UVRAG: variants seen among roughly 807,000 people sequenced by gnomAD.
UVRAG encodes the protein UV radiation resistance-associated gene protein.
A neutral mutation model predicts 78.0 loss-of-function variants in UVRAG; 19 were observed. The observed-to-expected ratio is 0.24, with a 90% CI of 0.17 to 0.36. The LOEUF (loss-of-function observed/expected upper bound fraction) is 0.36. Among genes scored for constraint, UVRAG ranks in the 10% least tolerant of loss-of-function variants. UVRAG has a pLI of 1.00. For missense variants in UVRAG, 740 were observed against 853.8 expected, an observed-to-expected ratio of 0.87 and a Z score of 1.66; for synonymous variants, 323 against 324.6, an observed-to-expected ratio of 1.00 and a Z score of 0.05.
chr11:75,844,709 G>C (rs1440290756), intron 1 of UVRAG, among the ~76,000 whole-genome samples: 2 of 148,140 alleles, frequency 1.4e-5, no homozygotes, highest in African/African-American at 2.5e-5. Flanking sequence ...GCCTCACTGT[G>C]TTGCCCAGTC....
intron 6 of UVRAG, among the ~76,000 whole-genome samples, chr11:75,942,887 A>G (rs1591045665): frequency 1.3e-5 from 2 of 152,094 alleles, no homozygotes; most frequent in Admixed American, 1.3e-4. Flanking sequence ...TATGAGCCTT[A>G]AAACAGATTT....
At chr11:76,139,178 C>T (rs1952656009) in intron 14 of UVRAG, among the ~76,000 whole-genome samples, 1 of 152,092 alleles carries the variant, frequency 6.6e-6, no homozygotes, top group African/African-American at 2.4e-5. Flanking sequence ...GTGGTTGCCC[C>T]TTCCCAAGAA....
chr11:76,128,317 A>T (rs1362999413), intron 14 of UVRAG, among the ~76,000 whole-genome samples: 1 of 152,048 alleles, frequency 6.6e-6, no homozygotes, highest in Non-Finnish European at 1.5e-5. Context: ...ATGCCTGATG[A>T]TCTGAGATGG....
At chr11:75,988,213 C>CCACACA (rs1442395708) in intron 8 of UVRAG, among the ~76,000 whole-genome samples, 2 of 152,138 alleles carry the variant, frequency 1.3e-5, no homozygotes, top group Admixed American at 6.5e-5. Flanking sequence ...GTAGCTACCA[C>CCACACA]CACAATCAGT....
In UVRAG at chr11:75,921,690, A is replaced by AT. The variant is rs553031192; in HGVS notation, c.593+9661dup. On this transcript the variant is annotated intron_variant, in intron 6 of 14. Coordinates refer to ENST00000356136, the MANE Select transcript of UVRAG (RefSeq NM_003369.4). ...AAATATTTAATACAAATTGCAATTT[A>AT]TTTTTTTTTTCTTTTAATCCACCCA... is the stretch of plus-strand genomic sequence containing the variant. Among the ~76,000 whole-genome samples the AT allele has an allele frequency of 3.5e-3, 512 of 147,490 alleles. 3 individuals carry two copies. Among genetic ancestry groups the AT allele is most frequent in the African/African-American group, 0.012 (469 of 40,230 alleles).
chr11:76,083,376 G>C (rs184548047), intron 13 of UVRAG, among the ~76,000 whole-genome samples: 5 of 152,174 alleles, frequency 3.3e-5, no homozygotes, highest in African/African-American at 1.2e-4. Context: ...TTTTAGGGAT[G>C]TATACTATTA....
intron 12 of UVRAG, among the ~76,000 whole-genome samples, chr11:76,045,141 G>A (rs1196658816): frequency 2.6e-5 from 4 of 152,222 alleles, no homozygotes; most frequent in Non-Finnish European, 5.9e-5. Context: ...ACTCTAGAGA[G>A]GTCGAACTAG....
At chr11:75,893,959 T>G (rs1947281882) in intron 5 of UVRAG, among the ~76,000 whole-genome samples, 2 of 152,134 alleles carry the variant, frequency 1.3e-5, no homozygotes, top group Admixed American at 1.3e-4. Flanking sequence ...TAGTTTTAAA[T>G]GCATAAAGAT....
chr11:75,902,751 A>G lies in UVRAG; in HGVS notation c.508-9203A>G, dbSNP rs533398086. Reference sequence around the variant, plus strand: ...AGTTCTTCTTTGAAGTAGTTCTGGTATCTGTGGCTACTTTTCCCTCTCCAT... The same window carrying G: ...AGTTCTTCTTTGAAGTAGTTCTGGTGTCTGTGGCTACTTTTCCCTCTCCAT... On this transcript the variant is annotated intron_variant, in intron 5 of 14. Transcript: ENST00000356136. Among the ~76,000 whole-genome samples, 6 of 152,158 alleles carry G rather than the reference A, an allele frequency of 3.9e-5. No homozygotes were observed. In the South Asian group the frequency reaches 1.2e-3, roughly 32 times the overall value.
chr11:75,877,237 C>T (rs1946808815), intron 3 of UVRAG, among the ~76,000 whole-genome samples: 1 of 152,174 alleles, frequency 6.6e-6, no homozygotes, highest in African/African-American at 2.4e-5. Context: ...CAAAAGTCTC[C>T]CATGTCTACT....
chr11:76,111,932 G>GA (rs1375990910), intron 13 of UVRAG, among the ~76,000 whole-genome samples: 10 of 127,054 alleles, frequency 7.9e-5, no homozygotes, highest in South Asian at 2.5e-4. Context: ...AAAATAAAGT[G>GA]AAAAAAAAAA....
chr11:75,955,198 C>G (rs1219164618), intron 6 of UVRAG, among the ~76,000 whole-genome samples: 1 of 152,062 alleles, frequency 6.6e-6, no homozygotes, highest in East Asian at 1.9e-4. Context: ...GTAGATTAAA[C>G]ACACAAACAC....
At chr11:75,820,161 A>G (rs1024384921) in intron 1 of UVRAG, among the ~76,000 whole-genome samples, 2 of 151,800 alleles carry the variant, frequency 1.3e-5, no homozygotes, top group African/African-American at 4.8e-5. Context: ...AGTTTTTCAT[A>G]GAGATGGGGT....
rs376005681 is a variant in UVRAG at position 76,088,460 on chromosome 11, A to C, written c.1305+22672A>C. ...CTTCCCCCAAATCCCATCTTCTCCT[A>C]TGCCACCCCCAACCCCCACTTCCGC... On this transcript the variant is annotated intron_variant, in intron 13 of 14. Transcript: ENST00000356136. 1.6e-3 allele frequency among the ~76,000 whole-genome samples: 243 copies of C among 150,794 alleles called. 1 individual carries two copies. The highest frequency in any genetic ancestry group is 5.8e-3 in the African/African-American group (236 of 40,988).
At chr11:75,946,273 G>A (rs1340039632) in intron 6 of UVRAG, among the ~76,000 whole-genome samples, 1 of 152,154 alleles carries the variant, frequency 6.6e-6, no homozygotes, top group East Asian at 1.9e-4. Flanking sequence ...TTAAAGATAC[G>A]TTAACATGAT....
At chr11:75,999,403 GAC>G (rs1949767895) in intron 8 of UVRAG, among the ~76,000 whole-genome samples, 1 of 151,656 alleles carries the variant, frequency 6.6e-6, no homozygotes, top group Non-Finnish European at 1.5e-5. Context: ...TGTTTTTTGA[GAC>G]AGAGTCTCAC....
chr11:75,832,960 T>C (rs759489310), intron 1 of UVRAG, among the ~76,000 whole-genome samples: 4 of 152,186 alleles, frequency 2.6e-5, no homozygotes, highest in Non-Finnish European at 4.4e-5. Context: ...GCTGAAGACA[T>C]ACATTTCTTA....
chr11:75,931,678 A>C (rs1948244156), intron 6 of UVRAG, among the ~76,000 whole-genome samples: 1 of 152,180 alleles, frequency 6.6e-6, no homozygotes, highest in Admixed American at 6.5e-5. Context: ...TTAAAACATG[A>C]AACAATGTAT....
chr11:75,931,476 A>G (rs1948239436), intron 6 of UVRAG, among the ~76,000 whole-genome samples: 1 of 152,198 alleles, frequency 6.6e-6, no homozygotes, highest in South Asian at 2.1e-4. Context: ...TTGTTCCCCA[A>G]ACAAACTTAG....
Sources: gnomAD v4.1 joint callset for allele counts (sites outside exome capture counted in the v4.1 genomes callset) on GRCh38, gnomAD v4.1.1 for gene constraint, MANE v1.5 for transcripts, NCBI Gene and HGNC (gene_info 2026-07-23, HGNC 2026-07-21) for gene names.